Variants in KALRN observed in about 807,000 individuals in gnomAD.
KALRN encodes the protein kalirin RhoGEF kinase, also known as kalirin.
A neutral mutation model predicts 353.7 loss-of-function variants in KALRN; 70 were observed. The observed-to-expected ratio is 0.20, with a 90% CI of 0.16 to 0.24. The LOEUF (loss-of-function observed/expected upper bound fraction) is 0.24. KALRN is among the 10% of genes least tolerant of loss of function. KALRN has a pLI of 1.00. For synonymous variants in KALRN, 1,391 were observed against 1,434.8 expected, an observed-to-expected ratio of 0.97 and a Z score of 0.69; for missense variants, 2,791 against 3,756.7, an observed-to-expected ratio of 0.74 and a Z score of 6.72.
intron 25 of KALRN, among the ~76,000 whole-genome samples, chr3:124,474,391 C>T (rs933189828): frequency 6.6e-6 from 1 of 152,148 alleles, no homozygotes; most frequent in Non-Finnish European, 1.5e-5. Context: ...AAGTCCAACA[C>T]AAACAAAATA....
intron 9 of KALRN, among the ~76,000 whole-genome samples, chr3:124,341,741 T>C (rs1435158759): frequency 2.0e-5 from 3 of 152,054 alleles, no homozygotes; most frequent in African/African-American, 4.8e-5. Context: ...TACAAAGAGG[T>C]TGGAGTCTAG....
At chr3:124,263,720 C>CT (rs1560399751) in intron 3 of KALRN, among the ~76,000 whole-genome samples, 1 of 152,082 alleles carries the variant, frequency 6.6e-6, no homozygotes, top group African/African-American at 2.4e-5. Flanking sequence ...AACATAGAGC[C>CT]TTTTTTTGAA....
chr3:124,642,144 C>T (rs993234486), intron 37 of KALRN, among the ~76,000 whole-genome samples: 3 of 151,998 alleles, frequency 2.0e-5, no homozygotes, highest in Admixed American at 6.5e-5. Context: ...ATTAGATGGG[C>T]GTGGTGGCAT....
intron 1 of KALRN, among the ~76,000 whole-genome samples, chr3:124,078,145 T>G (rs541272912): frequency 3.9e-5 from 6 of 152,340 alleles, no homozygotes; most frequent in African/African-American, 1.4e-4. Flanking sequence ...CTCCTGTTTT[T>G]CCATCCTCTA....
At position 124,650,850 on chromosome 3, in the gene KALRN, G is replaced by C; in HGVS notation, c.5707G>C (p.Ala1903Pro). 6.2e-7 allele frequency: 1 copy of C among 1,614,056 alleles called. No individual in the cohort carries two copies. The highest frequency in any genetic ancestry group is 1.3e-5 in the African/African-American group (1 of 75,036). Residue 1903 changes from alanine to proline, a missense_variant, in exon 38 of 60, where the codon GCA (alanine) becomes CCA (proline). Ala to Pro is a conservative substitution (Grantham distance 27). Coordinates refer to ENST00000682506, the MANE Select transcript of KALRN (RefSeq NM_001388419.1). ...ATACCGGGGGAGCTTGAAAGACCCT[G>C]CAGGCTGCCTGAATGAGGGGATGGC... ...SSYRGSLKDP[A>P]GCLNEGMAPP...
At chr3:124,387,017 G>GT (rs1336791792) in intron 11 of KALRN, among the ~76,000 whole-genome samples, 1 of 152,056 alleles carries the variant, frequency 6.6e-6, no homozygotes, top group Non-Finnish European at 1.5e-5. Flanking sequence ...CTACACTCTT[G>GT]TTTTTTTCCT....
At chr3:124,607,883 G>T (rs974775201) in intron 34 of KALRN, among the ~76,000 whole-genome samples, 1 of 152,182 alleles carries the variant, frequency 6.6e-6, no homozygotes, top group African/African-American at 2.4e-5. Flanking sequence ...GGGATTACTG[G>T]TGTGAGCCAC....
chr3:124,678,828 G>A (rs1578905863), intron 50 of KALRN, among the ~76,000 whole-genome samples: 1 of 152,260 alleles, frequency 6.6e-6, no homozygotes, highest in East Asian at 1.9e-4. Flanking sequence ...GACACAGTAG[G>A]GGGGCACATT....
intron 51 of KALRN, among the ~76,000 whole-genome samples, chr3:124,687,716 A>G (rs906893957): frequency 1.4e-5 from 2 of 146,664 alleles, no homozygotes; most frequent in Non-Finnish European, 3.1e-5. Context: ...AGCAAACCTC[A>G]ACAAAAAACA....
intron 1 of KALRN, among the ~76,000 whole-genome samples, chr3:124,148,873 A>G (rs949642475): frequency 2.6e-5 from 4 of 152,212 alleles, no homozygotes; most frequent in African/African-American, 9.6e-5. Flanking sequence ...TATTCCTTTC[A>G]TGTGTTTTAA....
chr3:124,379,064 CCCA>C (rs1576438616), intron 10 of KALRN, among the ~76,000 whole-genome samples: 1 of 152,112 alleles, frequency 6.6e-6, no homozygotes, highest in African/African-American at 2.4e-5. Context: ...CTGAAGTTAT[CCCA>C]TAGCTCACAG....
chr3:124,690,788 C>G (rs1190735226), intron 51 of KALRN, among the ~76,000 whole-genome samples: 3 of 152,228 alleles, frequency 2.0e-5, no homozygotes, highest in Admixed American at 6.5e-5. Context: ...ATGCGAACTT[C>G]AAGTAATCCG....
intron 3 of KALRN, among the ~76,000 whole-genome samples, chr3:124,247,973 C>A (rs964977681): frequency 2.0e-5 from 3 of 152,140 alleles, no homozygotes; most frequent in African/African-American, 7.2e-5. Context: ...GAATTTTGTT[C>A]TCAAAAGTCC....
chr3:124,211,479 T>A (rs1476018916), intron 1 of KALRN, among the ~76,000 whole-genome samples: 1 of 152,216 alleles, frequency 6.6e-6, no homozygotes, highest in Non-Finnish European at 1.5e-5. Flanking sequence ...AACAGAATGT[T>A]CATTGGGGAT....
At chr3:124,117,624 A>AGT (rs1221234060) in intron 1 of KALRN, among the ~76,000 whole-genome samples, 1 of 151,982 alleles carries the variant, frequency 6.6e-6, no homozygotes, top group Non-Finnish European at 1.5e-5. Flanking sequence ...ACATTAAGGC[A>AGT]GTGTGTGTGT....
At chr3:124,166,786 C>T (rs1034950960) in intron 1 of KALRN, among the ~76,000 whole-genome samples, 2 of 152,132 alleles carry the variant, frequency 1.3e-5, no homozygotes, top group South Asian at 4.2e-4. Context: ...TACCTGTAAT[C>T]CCAGCACTTT....
chr3:124,412,189 G>A (rs995267771), intron 13 of KALRN, among the ~76,000 whole-genome samples: 5 of 152,102 alleles, frequency 3.3e-5, no homozygotes, highest in Non-Finnish European at 7.4e-5. Context: ...TAAGAGCACC[G>A]CTCCCACTTG....
Position 124,584,684 on chromosome 3 carries a change from G to C in KALRN, c.5182+21595G>C, listed in dbSNP as rs531630309. ...GTGGCTCCCAGTAAGTCAGAGCTGC[G>C]GCCGCGGTGCGGGGAGAGCACAGCG... is the stretch of plus-strand genomic sequence containing the variant. On this transcript the variant is annotated intron_variant, in intron 34 of 59. Transcript: ENST00000682506. 564 of 1,432,752 alleles carry C rather than the reference G, an allele frequency of 3.9e-4. 6 individuals carry two copies. The African/African-American group carries it at 7.9e-3, about 20-fold the overall frequency. 88.8% of individuals were successfully genotyped at this position (1,432,752 alleles called of 1,614,324 possible).
In KALRN at chr3:124,268,989, C is replaced by T. The variant is rs1238959225; in HGVS notation, c.703C>T (p.Leu235Phe). ...SRRLIDEHTQLKKKVLKAPVE... is the reference protein window; with the variant it reads ...SRRLIDEHTQFKKKVLKAPVE... ...GCGGCTCATTGACGAACACACACAG[C>T]TCAAGAAAAAGGTGCTGAAGGCCCC... The change falls in exon 5 of 60, where the codon CTC becomes TTC. Residue 235 changes from leucine to phenylalanine, a missense_variant. Leu to Phe is a conservative substitution (Grantham distance 22). Around this residue, in one of 11 missense-constraint regions of KALRN, gnomAD observed 366 missense variants for 489.2 expected, o/e 0.75. Coordinates refer to ENST00000682506, the MANE Select transcript of KALRN (RefSeq NM_001388419.1). 2 of 1,614,112 alleles carry T rather than the reference C, an allele frequency of 1.2e-6. No individual in the cohort carries two copies. Among genetic ancestry groups the T allele is most frequent in the South Asian group, 2.2e-5 (2 of 91,078 alleles).
Sources: allele counts gnomAD v4.1 joint callset (sites outside exome capture counted in the v4.1 genomes callset), GRCh38; gene constraint gnomAD v4.1.1; regional missense constraint gnomAD v4.1.1; transcripts MANE v1.5; gene names NCBI Gene and HGNC (gene_info 2026-07-23, HGNC 2026-07-21).